Variants in SETBP1 observed in about 807,000 individuals in gnomAD.
The protein encoded by SETBP1 is SET-binding protein.
In SETBP1, 9 loss-of-function variants were observed where a neutral mutation model predicts 101.0. The ratio of observed to expected loss-of-function variants is 0.09; its 90% CI spans 0.05 to 0.16. SETBP1 has a LOEUF of 0.16. Ranked by LOEUF, SETBP1 falls within the 10% of genes least tolerant of loss-of-function variation. SETBP1 has a pLI of 1.00. For missense variants in SETBP1, 1,858 were observed against 2,033.8 expected (o/e 0.91, Z 1.66); for synonymous variants, 818 against 788.5 (o/e 1.04, Z -0.63).
At chr18:44,875,477 C>A (rs187802853) in intron 3 of SETBP1, among the ~76,000 whole-genome samples, 1 of 134,850 alleles carries the variant, frequency 7.4e-6, no homozygotes, top group Non-Finnish European at 1.5e-5. Flanking sequence ...GGGAGTGAGC[C>A]GAGATCGCGC....
At chr18:45,013,173 G>A (rs2072873932) in intron 4 of SETBP1, among the ~76,000 whole-genome samples, 1 of 152,212 alleles carries the variant, frequency 6.6e-6, no homozygotes, top group Non-Finnish European at 1.5e-5. Context: ...CCCAGGCCCT[G>A]CAGCCTCCTG....
intron 2 of SETBP1, among the ~76,000 whole-genome samples, chr18:44,779,979 T>C (rs977794720): frequency 3.3e-5 from 5 of 151,814 alleles, no homozygotes; most frequent in African/African-American, 1.2e-4. Context: ...CACACGCATG[T>C]GCACACTCAC....
At position 44,952,486 on chromosome 18, in the gene SETBP1, C is replaced by A. The variant is rs2071382442; in HGVS notation, c.3146C>A (p.Ala1049Glu). 1 of 1,613,976 alleles carries A rather than the reference C, an allele frequency of 6.2e-7. No homozygotes were observed. The highest frequency in any genetic ancestry group is 1.7e-5 in the Admixed American group (1 of 59,994). Residue 1049 changes from alanine to glutamate, a missense_variant, in exon 4 of 6, where the codon GCA becomes GAA. By Grantham distance (107) the Ala-to-Glu change is moderately radical (BLOSUM62 -1). This residue lies in a region of SETBP1 where 255 missense variants were observed against 300.1 expected (regional missense o/e 0.85). Transcript: ENST00000649279. ...CCTATTCCCAGTGGAAGTTACTATG[C>A]ACCCTATGGAATGCCTTACACATCA... ...SYPIPSGSYYAPYGMPYTSMP... is the reference protein window; with the variant it reads ...SYPIPSGSYYEPYGMPYTSMP...
intron 2 of SETBP1, among the ~76,000 whole-genome samples, chr18:44,862,581 G>C (rs2144644905): frequency 6.6e-6 from 1 of 152,296 alleles, no homozygotes; most frequent in African/African-American, 2.4e-5. Flanking sequence ...ATTGTTTACT[G>C]TTAGCTAGGG....
rs771155434 is a variant in SETBP1, at chr18:44,952,253, C to G, written c.2913C>G (p.His971Gln). 13 of 1,614,174 alleles carry G rather than the reference C, an allele frequency of 8.1e-6. No individual in the cohort carries two copies. Among genetic ancestry groups the G allele is most frequent in the Non-Finnish European group, 1.1e-5 (13 of 1,180,032 alleles). The change falls in exon 4 of 6, where the codon CAC (histidine) becomes CAG (glutamine). Residue 971 changes from histidine (H) to glutamine (Q), a missense_variant. His to Gln is a conservative substitution (Grantham distance 24, BLOSUM62 0). Coordinates refer to ENST00000649279, the MANE Select transcript of SETBP1 (RefSeq NM_015559.3). The stretch of plus-strand genomic sequence containing the variant: ...AGTTCCAAGTGTTCAGAATCTCCCA[C>G]CGGAGTTACACCTTCTACCACGAGA... Reference protein sequence around the residue: ...ITKFQVFRISHRSYTFYHENP... With the variant: ...ITKFQVFRISQRSYTFYHENP...
At chr18:44,680,609 G>C (rs961531577), upstream of SETBP1, among the ~76,000 whole-genome samples, 1 of 152,198 alleles carries the variant, frequency 6.6e-6, no homozygotes, top group Non-Finnish European at 1.5e-5. Context: ...GCAGGAGATG[G>C]GCGCGATTCC....
intron 2 of SETBP1, among the ~76,000 whole-genome samples, chr18:44,818,057 A>G (rs2072021370): frequency 6.6e-6 from 1 of 152,202 alleles, no homozygotes; most frequent in Non-Finnish European, 1.5e-5. Flanking sequence ...GAGTTTCATA[A>G]ATCACCACAT....
intron 3 of SETBP1, among the ~76,000 whole-genome samples, chr18:44,936,706 C>T (rs1414053003): frequency 1.3e-5 from 2 of 152,104 alleles, no homozygotes; most frequent in Non-Finnish European, 2.9e-5. Context: ...ATGCCTGTCT[C>T]CTCTGCTTGC....
chr18:44,825,150 G>A (rs2072208749), intron 2 of SETBP1, among the ~76,000 whole-genome samples: 1 of 152,196 alleles, frequency 6.6e-6, no homozygotes, highest in African/African-American at 2.4e-5. Context: ...AGTTAGACTG[G>A]GATAGATCTT....
chr18:45,004,780 C>G (rs1399297055), intron 4 of SETBP1, among the ~76,000 whole-genome samples: 2 of 152,242 alleles, frequency 1.3e-5, no homozygotes, highest in Non-Finnish European at 2.9e-5. Flanking sequence ...GCTGCTGGAC[C>G]ATGCAGAGTC....
At position 44,726,279 on chromosome 18, in the gene SETBP1, G is replaced by A. The variant is rs368411691; in HGVS notation, c.486+24447G>A. Among the ~76,000 whole-genome samples, 7 of 152,266 alleles carry A rather than the reference G, an allele frequency of 4.6e-5. No homozygotes were observed. The East Asian group carries it at 1.2e-3, about 25-fold the overall frequency. ...AGATACATAATACATTCTTTTCAAG[G>A]AAGGTAGGGACTTTGTTTTGTTGTA... On this transcript the variant is annotated intron_variant, in intron 2 of 5. Transcript: ENST00000649279.
chr18:44,978,049 A>G (rs1236109584), intron 4 of SETBP1, among the ~76,000 whole-genome samples: 1 of 152,158 alleles, frequency 6.6e-6, no homozygotes, highest in African/African-American at 2.4e-5. Context: ...TTCCGAAAAC[A>G]GATCCATCCT....
At chr18:44,806,542 C>G (rs1361302979) in intron 2 of SETBP1, among the ~76,000 whole-genome samples, 1 of 143,998 alleles carries the variant, frequency 6.9e-6, no homozygotes, top group Non-Finnish European at 1.5e-5. Context: ...AACACTTAAA[C>G]TCTTAACATG....
Position 45,056,963 on chromosome 18 carries a change from G to A in SETBP1, c.4172-6116G>A, listed in dbSNP as rs570310617. 2.6e-5 allele frequency among the ~76,000 whole-genome samples: 4 copies of A among 152,284 alleles called. No homozygotes were observed. The East Asian group carries it at 7.7e-4, about 29-fold the overall frequency. Reference sequence around the variant, plus strand: ...AATAAGTTGTTGTTTGAATAGTCAAGCAGTTACTATGCTTTAAACAAGCTA... The same window carrying A: ...AATAAGTTGTTGTTTGAATAGTCAAACAGTTACTATGCTTTAAACAAGCTA... On this transcript the variant is annotated intron_variant, in intron 5 of 5. Transcript: ENST00000649279.
At chr18:44,777,411 A>G (rs1427035596) in intron 2 of SETBP1, among the ~76,000 whole-genome samples, 1 of 152,194 alleles carries the variant, frequency 6.6e-6, no homozygotes, top group African/African-American at 2.4e-5. Flanking sequence ...TAATCTCTCC[A>G]TCAGCATTAA....
At chr18:44,742,882 C>G (rs917871415) in intron 2 of SETBP1, among the ~76,000 whole-genome samples, 1 of 151,986 alleles carries the variant, frequency 6.6e-6, no homozygotes, top group Non-Finnish European at 1.5e-5. Context: ...GGACTCTGGC[C>G]AAGGAACAGA....
intron 2 of SETBP1, among the ~76,000 whole-genome samples, chr18:44,825,040 C>A (rs529479936): frequency 1.3e-5 from 2 of 152,346 alleles, no homozygotes; most frequent in South Asian, 4.1e-4. Flanking sequence ...TATAGAGTTA[C>A]TTTTTTCACT....
At chr18:44,753,060 G>A (rs1350746857) in intron 2 of SETBP1, among the ~76,000 whole-genome samples, 1 of 152,088 alleles carries the variant, frequency 6.6e-6, no homozygotes, top group Non-Finnish European at 1.5e-5. Flanking sequence ...GGACAATTAT[G>A]GTTTTTTTAT....
At chr18:44,752,054 G>A (rs1488644080) in intron 2 of SETBP1, among the ~76,000 whole-genome samples, 1 of 151,962 alleles carries the variant, frequency 6.6e-6, no homozygotes, top group Admixed American at 6.6e-5. Flanking sequence ...TTCAACATAT[G>A]GATTTCAACA....
Sources: allele counts gnomAD v4.1 joint callset (sites outside exome capture counted in the v4.1 genomes callset), GRCh38; gene constraint gnomAD v4.1.1; regional missense constraint gnomAD v4.1.1; transcripts MANE v1.5; gene names NCBI Gene and HGNC (gene_info 2026-07-23, HGNC 2026-07-21).